PARP4: variants seen among roughly 807,000 people sequenced by gnomAD.
PARP4 encodes the protein poly(ADP-ribose) polymerase family member 4.
In PARP4, 120 loss-of-function variants were observed where a neutral mutation model predicts 187.7. That is an observed-to-expected ratio of 0.64 (90% CI 0.55 to 0.74). The LOEUF (loss-of-function observed/expected upper bound fraction) is 0.74, where lower values mean the gene tolerates loss of function less well. PARP4 is among the 30% of genes least tolerant of loss of function. The probability of loss-of-function intolerance (pLI) is 0.00; values close to 1 mark genes in which losing one functional copy is unlikely to be tolerated. For synonymous variants in PARP4, 654 were observed against 740.9 expected (o/e 0.88, Z 1.90); for missense variants, 1,836 against 2,070.5 (o/e 0.89, Z 2.20).
Position 24,434,933 on chromosome 13 carries a change from C to T in PARP4, c.4208G>A (p.Gly1403Glu), listed in dbSNP as rs1373509481. The T allele has an allele frequency of 1.2e-6, 2 of 1,613,910 alleles. No homozygotes were observed. The highest frequency in any genetic ancestry group is 1.7e-6 in the Non-Finnish European group (2 of 1,179,912). The change falls in exon 31 of 34, where the codon GGG (glycine) becomes GAG (glutamate). Residue 1403 changes from glycine to glutamate, a missense_variant. By Grantham distance (98) the Gly-to-Glu change is moderately conservative. Around this residue, in one of 8 missense-constraint regions of PARP4, gnomAD observed 450 missense variants for 439.2 expected, o/e 1.02. Transcript: ENST00000381989. ...AGACTGTGCAGAGCTTAATGAGCTC[C>T]CTGAAAAAACAATGCCACAATAGGG... The part of the protein sequence containing the change: ...SSPYCGIVFS[G>E]SSLSSAQSAP...
chr13:24,493,670 T>G lies in PARP4; in HGVS notation c.805A>C (p.Met269Leu), dbSNP rs1383617423. ...LSQEVSDLVE[M>L]IWAEALGHLE... ...TGGCCCAGGGCCTCTGCCCAAATCA[T>G]CTCTACTAAATCGCTCACCTCTTGG... Residue 269 changes from methionine (M) to leucine (L), a missense_variant, in exon 8 of 34, where the codon ATG becomes CTG. Physicochemically the swap from Met to Leu is conservative, Grantham distance 15. Around this residue, in one of 8 missense-constraint regions of PARP4, gnomAD observed 1,147 missense variants for 1,214.2 expected, o/e 0.94. Transcript: ENST00000381989. 6.2e-7 allele frequency: 1 copy of G among 1,613,918 alleles called. No homozygotes were observed. The highest frequency in any genetic ancestry group is 8.5e-7 in the Non-Finnish European group (1 of 1,179,962).
intron 10 of PARP4, among the ~76,000 whole-genome samples, chr13:24,490,334 C>T (rs1868565883): frequency 6.6e-6 from 1 of 152,146 alleles, no homozygotes; most frequent in Non-Finnish European, 1.5e-5. Context: ...AGACGCCATA[C>T]CCATATTCCT....
At position 24,434,664 on chromosome 13, in the gene PARP4, T is replaced by A. The variant is rs1429587966; in HGVS notation, c.4477A>T (p.Thr1493Ser). The change falls in exon 31 of 34, where the codon ACT (threonine) becomes TCT (serine). Residue 1493 changes from threonine (T) to serine (S), a missense_variant. Coordinates refer to ENST00000381989, the MANE Select transcript of PARP4 (RefSeq NM_006437.4). ...LPEALCSQSRTTPVDLCLLEE... is the reference protein window; with the variant it reads ...LPEALCSQSRSTPVDLCLLEE... ...AGAAGACAGAGATCTACTGGGGTAGTCCGGGACTGACTGCAAAGAGCCTCA... is the reference window on the plus strand; with the variant it reads ...AGAAGACAGAGATCTACTGGGGTAGACCGGGACTGACTGCAAAGAGCCTCA... 1 of 1,614,058 alleles carries A rather than the reference T, an allele frequency of 6.2e-7. No individual in the cohort carries two copies. The highest frequency in any genetic ancestry group is 1.1e-5 in the South Asian group (1 of 91,050).
chr13:24,483,349 G>A (rs562121394), intron 12 of PARP4, among the ~76,000 whole-genome samples: 43 of 141,216 alleles, frequency 3.0e-4, no homozygotes, highest in African/African-American at 9.6e-4. Flanking sequence ...AGCCAGGCGC[G>A]GTGGTGGGCA....
intron 18 of PARP4, chr13:24,459,558 C>A: frequency 2.4e-6 from 1 of 413,144 alleles, no homozygotes; most frequent in Non-Finnish European, 4.3e-6. Flanking sequence ...CACACACACA[C>A]ACACACACAT....
At chr13:24,472,367 T>C (rs1383020300) in intron 15 of PARP4, among the ~76,000 whole-genome samples, 2 of 152,160 alleles carry the variant, frequency 1.3e-5, no homozygotes, top group African/African-American at 4.8e-5. Context: ...GCCTTGAGGA[T>C]GTGTGTATGG....
intron 24 of PARP4, among the ~76,000 whole-genome samples, chr13:24,451,427 C>A (rs1175653335): frequency 6.6e-6 from 1 of 152,158 alleles, no homozygotes; most frequent in Non-Finnish European, 1.5e-5. Flanking sequence ...GCCCTCAAGG[C>A]AGGCAGAGCT....
At chr13:24,476,153 T>C (rs769880017) in intron 14 of PARP4, among the ~76,000 whole-genome samples, 40 of 151,916 alleles carry the variant, frequency 2.6e-4, no homozygotes, top group African/African-American at 9.2e-4. Flanking sequence ...CTTTTTTTTT[T>C]CTTTGGTAGA....
At chr13:24,504,771 G>C (rs1035388427) in intron 1 of PARP4, among the ~76,000 whole-genome samples, 5 of 149,982 alleles carry the variant, frequency 3.3e-5, no homozygotes, top group Admixed American at 1.3e-4. Context: ...TTGGCTTACT[G>C]CAACCTCCAC....
intron 6 of PARP4, among the ~76,000 whole-genome samples, chr13:24,497,086 T>C (rs1868998626): frequency 8.1e-6 from 1 of 123,900 alleles, no homozygotes; most frequent in African/African-American, 2.9e-5. Context: ...GAAGGCATCC[T>C]GGTGGGTGTT....
chr13:24,486,366 T>C, intron 10 of PARP4, 61 bp from the exon 11 acceptor site: 8 of 1,135,536 alleles, frequency 7.0e-6, no homozygotes, highest in Non-Finnish European at 7.8e-6. Context: ...AAAAAGTCAT[T>C]ATAGCAGAAG....
At chr13:24,499,674 G>A (rs1294447179) in intron 4 of PARP4, among the ~76,000 whole-genome samples, 2 of 152,130 alleles carry the variant, frequency 1.3e-5, no homozygotes, top group African/African-American at 2.4e-5. Context: ...GAAGTGGGCC[G>A]CACACTCTGG....
chr13:24,498,285 T>C (rs986115687), intron 5 of PARP4, 56 bp from the exon 6 acceptor site: 8 of 1,012,924 alleles, frequency 7.9e-6, no homozygotes, highest in African/African-American at 1.6e-5. Context: ...AAACTACATG[T>C]GCCATTTGAA....
At chr13:24,508,437 A>C (rs1869826450) in intron 1 of PARP4, among the ~76,000 whole-genome samples, 1 of 152,206 alleles carries the variant, frequency 6.6e-6, no homozygotes, top group African/African-American at 2.4e-5. Flanking sequence ...AAAAGAACAA[A>C]ACAAAAAAAT....
intron 18 of PARP4, 194 bp from the exon 19 acceptor site, chr13:24,459,504 T>A: frequency 2.0e-6 from 1 of 506,816 alleles, no homozygotes; most frequent in Non-Finnish European, 3.5e-6. Context: ...TTGACAGAGA[T>A]TTTAAACTCT....
intron 21 of PARP4, among the ~76,000 whole-genome samples, chr13:24,455,497 A>ATATATATATATATATATG (rs1871781344): frequency 7.2e-6 from 1 of 139,696 alleles, no homozygotes; most frequent in African/African-American, 2.6e-5. Context: ...ATATATATAT[A>ATATATATATATATATATG]TATATATATC....
chr13:24,432,389 T>G (rs7985776), intron 31 of PARP4, among the ~76,000 whole-genome samples: 142,627 of 152,102 alleles, frequency 0.94, 67,013 homozygotes, highest in East Asian at 0.99. Flanking sequence ...GAAATATGAT[T>G]GACATACAAA....
In PARP4 at chr13:24,499,432, C is replaced by T. The variant is rs1025306199; in HGVS notation, c.402-56G>A. On this transcript the variant is annotated intron_variant, in intron 4 of 33. Transcript: ENST00000381989. The stretch of plus-strand genomic sequence containing the variant: ...AACATTAAATGGATTTTAGGCTAAA[C>T]AGAATTTCATAAATTTTTTCTTGTA... The T allele has an allele frequency of 6.3e-6, 9 of 1,425,162 alleles. No homozygotes were observed. The African/African-American group carries it at 1.2e-4, about 19-fold the overall frequency. The allele number at this position is 1,425,162 out of a possible 1,614,324, so 88.3% of individuals were successfully genotyped here. A position where few individuals can be genotyped will look rare whatever the true frequency, so the allele number is the denominator to read the frequency against.
At chr13:24,481,216 TCTA>T (rs907193243) in intron 12 of PARP4, among the ~76,000 whole-genome samples, 1 of 152,250 alleles carries the variant, frequency 6.6e-6, no homozygotes, top group Non-Finnish European at 1.5e-5. Flanking sequence ...AATGTATAGA[TCTA>T]CTGCTCAACA....
Sources: allele counts gnomAD v4.1 joint callset (sites outside exome capture counted in the v4.1 genomes callset), GRCh38; gene constraint gnomAD v4.1.1; regional missense constraint gnomAD v4.1.1; transcripts MANE v1.5; gene names NCBI Gene and HGNC (gene_info 2026-07-23, HGNC 2026-07-21).